The following CNBD1 variants were observed in gnomAD, a reference collection of about 807,000 sequenced individuals.
The protein encoded by CNBD1 is cyclic nucleotide-binding domain-containing protein 1.
A neutral mutation model predicts 54.4 loss-of-function variants in CNBD1; 71 were observed. The ratio of observed to expected loss-of-function variants is 1.30; its 90% CI spans 1.08 to 1.59. The LOEUF (loss-of-function observed/expected upper bound fraction) is 1.59. Among genes scored for constraint, CNBD1 ranks in the 40% most tolerant of loss-of-function variants. CNBD1 has a pLI of 0.00. For missense variants in CNBD1, 659 were observed against 518.0 expected (o/e 1.27, Z -2.64); for synonymous variants, 182 against 170.7 (o/e 1.07, Z -0.51).
intron 3 of CNBD1, among the ~76,000 whole-genome samples, chr8:86,936,874 G>C (rs1367854957): frequency 6.6e-6 from 1 of 152,080 alleles, no homozygotes; most frequent in Non-Finnish European, 1.5e-5. Context: ...AGGTAATTGT[G>C]AAAAGCAGAA....
chr8:87,336,624 T>A (rs1272880251), intron 8 of CNBD1, among the ~76,000 whole-genome samples: 1 of 152,170 alleles, frequency 6.6e-6, no homozygotes, highest in African/African-American at 2.4e-5. Flanking sequence ...CTCAGCTTTT[T>A]TGCATAGGTT....
At chr8:87,183,919 G>A (rs370638986) in intron 4 of CNBD1, among the ~76,000 whole-genome samples, 10 of 152,258 alleles carry the variant, frequency 6.6e-5, no homozygotes, top group African/African-American at 2.4e-4. Context: ...GAGAGCCTGG[G>A]GCATTCCCAG....
intron 4 of CNBD1, among the ~76,000 whole-genome samples, chr8:87,179,382 A>T (rs938528651): frequency 6.6e-6 from 1 of 152,174 alleles, no homozygotes; most frequent in Non-Finnish European, 1.5e-5. Flanking sequence ...ACTTTAAAGA[A>T]TTATCTTGAA....
At chr8:86,936,134 C>CA (rs201470624) in intron 3 of CNBD1, among the ~76,000 whole-genome samples, 2,273 of 149,718 alleles carry the variant, frequency 0.015, 27 homozygotes, top group South Asian at 0.035. Context: ...GATCCCTTCT[C>CA]AAAAAAAAAT....
At chr8:87,365,078 A>T (rs531024214) in intron 10 of CNBD1, among the ~76,000 whole-genome samples, 32 of 152,196 alleles carry the variant, frequency 2.1e-4, no homozygotes, top group African/African-American at 7.5e-4. Context: ...ACTGCTTTCT[A>T]TAATGGTTGA....
intron 10 of CNBD1, among the ~76,000 whole-genome samples, chr8:87,379,584 G>C (rs988928173): frequency 6.6e-6 from 1 of 151,818 alleles, no homozygotes; most frequent in Non-Finnish European, 1.5e-5. Flanking sequence ...TTGATGACTA[G>C]AGAACTGCAT....
At chr8:86,992,855 A>G (rs1808784505) in intron 4 of CNBD1, among the ~76,000 whole-genome samples, 1 of 151,944 alleles carries the variant, frequency 6.6e-6, no homozygotes, top group African/African-American at 2.4e-5. Context: ...ATGTGCCTTG[A>G]CCCTTCTCTC....
intron 10 of CNBD1, among the ~76,000 whole-genome samples, chr8:87,376,099 A>G (rs1053799177): frequency 2.0e-5 from 3 of 151,916 alleles, no homozygotes; most frequent in African/African-American, 7.2e-5. Context: ...TTGTTCTATC[A>G]CTTACTGTAG....
intron 8 of CNBD1, among the ~76,000 whole-genome samples, chr8:87,323,839 G>T (rs1287976381): frequency 3.1e-5 from 4 of 127,304 alleles, no homozygotes; most frequent in African/African-American, 1.2e-4. Context: ...CCAACACTGT[G>T]TTGAATAGGA....
chr8:87,150,923 A>C (rs2130748388), intron 4 of CNBD1, among the ~76,000 whole-genome samples: 1 of 152,350 alleles, frequency 6.6e-6, no homozygotes, highest in Non-Finnish European at 1.5e-5. Flanking sequence ...AAGCAGAGAA[A>C]GAATTTACAG....
chr8:87,195,439 G>C (rs1208513659), intron 4 of CNBD1, among the ~76,000 whole-genome samples: 1 of 150,040 alleles, frequency 6.7e-6, no homozygotes, highest in Non-Finnish European at 1.5e-5. Context: ...TGTTGGCCAG[G>C]CTGGTCTTGA....
intron 4 of CNBD1, among the ~76,000 whole-genome samples, chr8:87,092,917 G>A (rs1213216672): frequency 1.3e-5 from 2 of 151,984 alleles, no homozygotes; most frequent in Non-Finnish European, 2.9e-5. Context: ...ATTCGAAATT[G>A]CTCCTCCCAC....
Position 87,374,409 on chromosome 8 carries a change from T to G in CNBD1, c.1304-8211T>G, listed in dbSNP as rs570359808. ...TGCACAAATGATAAAAAATACCACA[T>G]TTAAGATAGTTCCTTAAATCAAGAT... On this transcript the variant is annotated intron_variant, in intron 10 of 10. Transcript: ENST00000518476. 3.9e-5 allele frequency among the ~76,000 whole-genome samples: 6 copies of G among 151,968 alleles called. No homozygotes were observed. The South Asian group carries it at 1.2e-3, about 31-fold the overall frequency.
chr8:86,962,982 G>A (rs960831684), intron 4 of CNBD1, among the ~76,000 whole-genome samples: 6 of 152,100 alleles, frequency 3.9e-5, no homozygotes, highest in Non-Finnish European at 7.4e-5. Context: ...CAGTGATTTA[G>A]GATACACTTG....
chr8:87,389,359 C>T (rs1811260414), intron 2 of CNBD1, among the ~76,000 whole-genome samples: 1 of 152,146 alleles, frequency 6.6e-6, no homozygotes, highest in Admixed American at 6.6e-5. Flanking sequence ...ACCCCAGCGT[C>T]TCAGCCCAAA....
intron 2 of CNBD1, among the ~76,000 whole-genome samples, chr8:87,410,625 G>A (rs1359281765): frequency 6.6e-6 from 1 of 152,148 alleles, no homozygotes; most frequent in Non-Finnish European, 1.5e-5. Context: ...GTGAAGCAAT[G>A]ACAGGATTTG....
intron 6 of CNBD1, among the ~76,000 whole-genome samples, chr8:87,269,352 T>A (rs1356652410): frequency 6.6e-6 from 1 of 152,130 alleles, no homozygotes. Flanking sequence ...AGTTAGATAA[T>A]GTGATGCCTC....
intron 4 of CNBD1, among the ~76,000 whole-genome samples, chr8:87,022,171 A>G (rs777327946): frequency 4.6e-5 from 7 of 152,192 alleles, no homozygotes; most frequent in Non-Finnish European, 8.8e-5. Context: ...TATTAGAGAG[A>G]AAGTACTTTG....
At chr8:87,245,146 A>T (rs575734168) in intron 6 of CNBD1, among the ~76,000 whole-genome samples, 1 of 152,210 alleles carries the variant, frequency 6.6e-6, no homozygotes, top group South Asian at 2.1e-4. Flanking sequence ...TTTCTTAATC[A>T]TCACAACATG....
Sources: gnomAD v4.1 joint callset for allele counts (sites outside exome capture counted in the v4.1 genomes callset) on GRCh38, gnomAD v4.1.1 for gene constraint, MANE v1.5 for transcripts, NCBI Gene and HGNC (gene_info 2026-07-23, HGNC 2026-07-21) for gene names.